The following SLC39A11 variants were observed in gnomAD, a reference collection of about 807,000 sequenced individuals.
The protein encoded by SLC39A11 is zinc transporter ZIP11.
In SLC39A11, 33 loss-of-function variants were observed where a neutral mutation model predicts 36.1. The observed-to-expected ratio is 0.91, with a 90% confidence interval of 0.69 to 1.22. SLC39A11 has a LOEUF of 1.22. SLC39A11 is among the 50% of genes most tolerant of loss of function. The probability of loss-of-function intolerance (pLI) is 0.00; values close to 1 mark genes in which losing one functional copy is unlikely to be tolerated. For missense variants in SLC39A11, 432 were observed against 430.3 expected (o/e 1.00, Z -0.03); for synonymous variants, 166 against 170.3 (o/e 0.97, Z 0.20).
intron 4 of SLC39A11, among the ~76,000 whole-genome samples, chr17:72,963,617 T>C (rs1323372993): frequency 6.6e-6 from 1 of 152,204 alleles, no homozygotes; most frequent in Non-Finnish European, 1.5e-5. Flanking sequence ...TGGAGCCATG[T>C]GTTATGAATA....
intron 5 of SLC39A11, among the ~76,000 whole-genome samples, chr17:72,931,571 G>C (rs769907905): frequency 2.0e-5 from 3 of 152,232 alleles, no homozygotes; most frequent in Non-Finnish European, 4.4e-5. Flanking sequence ...CAGATAGACA[G>C]AGGAGGCTGG....
At chr17:72,695,251 T>C (rs1191776684) in intron 7 of SLC39A11, among the ~76,000 whole-genome samples, 1 of 152,194 alleles carries the variant, frequency 6.6e-6, no homozygotes, top group Non-Finnish European at 1.5e-5. Context: ...CTCCCTATCA[T>C]GTTCTCAGGA....
intron 4 of SLC39A11, among the ~76,000 whole-genome samples, chr17:73,007,834 G>A (rs2090269084): frequency 6.6e-6 from 1 of 152,238 alleles, no homozygotes; most frequent in Admixed American, 6.5e-5. Flanking sequence ...CAGGCACAGT[G>A]GCTCACGCCT....
intron 7 of SLC39A11, among the ~76,000 whole-genome samples, chr17:72,660,162 G>A (rs2070344350): frequency 1.3e-5 from 2 of 152,182 alleles, no homozygotes; most frequent in South Asian, 4.1e-4. Context: ...GCTCGTGTCA[G>A]CAGCAGCACA....
chr17:72,750,969 G>A (rs887639955), intron 6 of SLC39A11, among the ~76,000 whole-genome samples: 2 of 152,176 alleles, frequency 1.3e-5, no homozygotes, highest in Non-Finnish European at 2.9e-5. Flanking sequence ...GCAGGAGGCT[G>A]TGCATGGTGG....
chr17:72,923,402 G>A lies in SLC39A11; in HGVS notation c.430+24350C>T, dbSNP rs181046345. Among the ~76,000 whole-genome samples, 10 of 152,300 alleles carry A rather than the reference G, an allele frequency of 6.6e-5. No homozygotes were observed. The East Asian group carries it at 1.9e-3, about 29-fold the overall frequency. On this transcript the variant is annotated intron_variant, in intron 5 of 9. Coordinates refer to ENST00000255559, the MANE Select transcript of SLC39A11 (RefSeq NM_139177.4). ...ATATGAAGCAGAACCATGGCCTGCA[G>A]CCTGCATATATACAAAGAGCCACTG...
chr17:72,763,596 T>A (rs2075665005), intron 6 of SLC39A11, among the ~76,000 whole-genome samples: 1 of 152,214 alleles, frequency 6.6e-6, no homozygotes, highest in African/African-American at 2.4e-5. Context: ...GTTCACAAAC[T>A]CATCCTCCAC....
At chr17:72,795,966 T>C (rs1480216033) in intron 6 of SLC39A11, among the ~76,000 whole-genome samples, 1 of 152,032 alleles carries the variant, frequency 6.6e-6, no homozygotes, top group African/African-American at 2.4e-5. Context: ...GGAAGAATAC[T>C]GGGGGGAGAA....
chr17:72,798,054 G>A (rs1256057439), intron 6 of SLC39A11, among the ~76,000 whole-genome samples: 3 of 152,144 alleles, frequency 2.0e-5, no homozygotes, highest in Non-Finnish European at 4.4e-5. Flanking sequence ...GAGAGGGCTG[G>A]AATCATGCTG....
At chr17:72,887,495 G>T (rs1055506887) in intron 5 of SLC39A11, among the ~76,000 whole-genome samples, 12 of 152,298 alleles carry the variant, frequency 7.9e-5, no homozygotes, top group Admixed American at 7.8e-4. Flanking sequence ...GCTTTGAAAG[G>T]CAGAGACAAA....
At chr17:72,751,018 G>A (rs368258041) in intron 6 of SLC39A11, among the ~76,000 whole-genome samples, 14 of 152,314 alleles carry the variant, frequency 9.2e-5, no homozygotes, top group South Asian at 4.1e-4. Context: ...AGGCCAAGGC[G>A]GGAGGATCAC....
chr17:72,923,332 G>A (rs959868208), intron 5 of SLC39A11, among the ~76,000 whole-genome samples: 1 of 152,142 alleles, frequency 6.6e-6, no homozygotes, highest in Non-Finnish European at 1.5e-5. Context: ...ATCATAAACA[G>A]GTATGGCCAA....
intron 5 of SLC39A11, among the ~76,000 whole-genome samples, chr17:72,900,226 AAAG>A (rs1392756517): frequency 1.3e-5 from 2 of 151,128 alleles, no homozygotes; most frequent in East Asian, 3.9e-4. Flanking sequence ...AGAAAGAAAG[AAAG>A]AAAAAGACAG....
chr17:72,762,034 G>A (rs2075600392), intron 6 of SLC39A11, among the ~76,000 whole-genome samples: 1 of 152,222 alleles, frequency 6.6e-6, no homozygotes, highest in African/African-American at 2.4e-5. Context: ...AGTTGGCGAA[G>A]CCTGACCTTC....
rs957143115 is a variant in SLC39A11 at position 72,763,081 on chromosome 17, G to C, written c.602-26362C>G. 3.3e-5 allele frequency among the ~76,000 whole-genome samples: 5 copies of C among 152,102 alleles called. No homozygotes were observed. The East Asian group carries it at 7.7e-4, about 23-fold the overall frequency. On this transcript the variant is annotated intron_variant, in intron 6 of 9. Transcript: ENST00000255559. ...ATCTTCAAGGAGTTAATTTCCTAAA[G>C]ACCACCTGACCACAACCTTAAAGCA...
At position 72,733,118 on chromosome 17, in the gene SLC39A11, C is replaced by T. The variant is rs142733211; in HGVS notation, c.671+3532G>A. Among the ~76,000 whole-genome samples, 713 of 152,340 alleles carry T rather than the reference C, an allele frequency of 4.7e-3. 3 individuals are homozygous for T. The highest frequency in any genetic ancestry group is 0.027 in the Middle Eastern group (8 of 294). Reference sequence around the variant, plus strand: ...AAGGGCAAGGGCACGGCTCCATCCGCTCCATAGGCAAGAGGTCCAACCCTC... The same window carrying T: ...AAGGGCAAGGGCACGGCTCCATCCGTTCCATAGGCAAGAGGTCCAACCCTC... On this transcript the variant is annotated intron_variant, in intron 7 of 9. Transcript: ENST00000255559.
chr17:72,687,288 C>A (rs979432263), intron 7 of SLC39A11, among the ~76,000 whole-genome samples: 1 of 152,058 alleles, frequency 6.6e-6, no homozygotes, highest in Non-Finnish European at 1.5e-5. Context: ...GACAGTCTCG[C>A]TCTGTTGCCC....
intron 5 of SLC39A11, among the ~76,000 whole-genome samples, chr17:72,854,458 G>T (rs541673732): frequency 3.9e-5 from 6 of 152,062 alleles, no homozygotes. Context: ...GAGAAATCTC[G>T]TATCTATAAT....
chr17:72,888,217 T>C (rs558149874), intron 5 of SLC39A11, among the ~76,000 whole-genome samples: 1 of 152,352 alleles, frequency 6.6e-6, no homozygotes, highest in East Asian at 1.9e-4. Flanking sequence ...TCTAAACTTA[T>C]TTTGTTCCAC....
Sources: allele counts gnomAD v4.1 joint callset (sites outside exome capture counted in the v4.1 genomes callset), GRCh38; gene constraint gnomAD v4.1.1; transcripts MANE v1.5; gene names NCBI Gene and HGNC (gene_info 2026-07-23, HGNC 2026-07-21).